The following ZDHHC7 variants were observed in gnomAD, a reference collection of about 807,000 sequenced individuals.
ZDHHC7 encodes the protein palmitoyltransferase ZDHHC7.
ZDHHC7 carries 12 observed loss-of-function variants against 34.1 expected under a neutral mutation model. That is an observed-to-expected ratio of 0.35 (90% CI 0.23 to 0.57). The LOEUF (loss-of-function observed/expected upper bound fraction) is 0.57, where lower values mean the gene tolerates loss of function less well. ZDHHC7 is among the 20% of genes least tolerant of loss of function. The pLI, the probability that ZDHHC7 is intolerant of heterozygous loss-of-function variation, is 0.84. For missense variants in ZDHHC7, 388 were observed against 402.7 expected, an observed-to-expected ratio of 0.96 and a Z score of 0.31; for synonymous variants, 185 against 155.4, an observed-to-expected ratio of 1.19 and a Z score of -1.42.
intron 1 of ZDHHC7, among the ~76,000 whole-genome samples, chr16:84,999,212 G>A (rs969609048): frequency 3.3e-5 from 5 of 152,084 alleles, no homozygotes; most frequent in Admixed American, 6.5e-5. Flanking sequence ...ACTGTGAATC[G>A]CAAGCATCAG....
chr16:84,974,344 A>T lies in ZDHHC7; in HGVS notation c.*1999T>A, dbSNP rs573251752. On this transcript the variant is annotated 3_prime_UTR_variant, in exon 8 of 8. Coordinates refer to ENST00000313732, the MANE Select transcript of ZDHHC7 (RefSeq NM_017740.3). Reference sequence around the variant, plus strand: ...TTGTCATGGGCACAAAAGCATTTAGAGTTTCTGGAAACTGTTTGGGAGTGA... The same window carrying T: ...TTGTCATGGGCACAAAAGCATTTAGTGTTTCTGGAAACTGTTTGGGAGTGA... 5 of 152,256 alleles carry T rather than the reference A, an allele frequency of 3.3e-5. No homozygotes were observed. Among genetic ancestry groups the T allele is most frequent in the African/African-American group, 7.2e-5 (3 of 41,558 alleles). The allele number at this position is 152,256 out of a possible 1,614,324, so 9.4% of individuals were successfully genotyped here.
intron 3 of ZDHHC7, among the ~76,000 whole-genome samples, chr16:84,984,183 C>T (rs1005560877): frequency 2.0e-5 from 3 of 151,906 alleles, no homozygotes; most frequent in African/African-American, 7.2e-5. Context: ...CCACACCCGG[C>T]TAATTTTTCG....
the ZDHHC7 span, among the ~76,000 whole-genome samples, chr16:85,026,002 C>CT: frequency 6.6e-6 from 1 of 152,188 alleles, no homozygotes; most frequent in African/African-American, 2.4e-5. Flanking sequence ...CTTTCTTCCT[C>CT]TTTTAAAAAA....
rs2072298344 is a variant in ZDHHC7, at chr16:84,976,438, GC to G, written c.831del (p.Ser280HisfsTer5). The G allele has an allele frequency of 6.2e-7, 1 of 1,613,904 alleles. No individual in the cohort carries two copies. The highest frequency in any genetic ancestry group is 8.5e-7 in the Non-Finnish European group (1 of 1,179,992). On this transcript the variant is annotated frameshift_variant, in exon 8 of 8. Coordinates refer to ENST00000313732, the MANE Select transcript of ZDHHC7 (RefSeq NM_017740.3). LOFTEE classifies it high-confidence loss of function. ...GGATTCATCCAGAGGAGTGAGGGGG[GC>G]CCCCCAAAGACGGACTTCATCCCTT... ...RWEGMKSVFG[G>X]PPSLLWMNPF... is the part of the protein sequence containing the mutation.
At chr16:84,983,164 A>C (rs1264372515) in intron 3 of ZDHHC7, among the ~76,000 whole-genome samples, 1 of 152,154 alleles carries the variant, frequency 6.6e-6, no homozygotes, top group Non-Finnish European at 1.5e-5. Flanking sequence ...AGATCTGGAG[A>C]ATGAGACCCA....
upstream of ZDHHC7, among the ~76,000 whole-genome samples, chr16:85,012,979 G>A (rs1220724589): frequency 6.6e-6 from 1 of 152,126 alleles, no homozygotes; most frequent in Non-Finnish European, 1.5e-5. Context: ...ATTATTTTCA[G>A]CTGAAGGCAA....
At chr16:85,006,132 G>A (rs1328925606) in intron 1 of ZDHHC7, among the ~76,000 whole-genome samples, 1 of 152,162 alleles carries the variant, frequency 6.6e-6, no homozygotes, top group Admixed American at 6.5e-5. Context: ...GAGAGGCAAA[G>A]GCAGGAGGAA....
intron 1 of ZDHHC7, among the ~76,000 whole-genome samples, chr16:85,000,026 G>C (rs2072633061): frequency 6.6e-6 from 1 of 151,786 alleles, no homozygotes; most frequent in African/African-American, 2.4e-5. Context: ...TGTACTCCCA[G>C]CTGCTCAGGA....
At chr16:85,013,375 T>G (rs551506101), upstream of ZDHHC7, among the ~76,000 whole-genome samples, 4 of 152,192 alleles carry the variant, frequency 2.6e-5, no homozygotes, top group Admixed American at 2.6e-4. Flanking sequence ...CCTGAGTAGC[T>G]GGAATTACAG....
rs949188799 is a variant in ZDHHC7, at chr16:84,990,444, C to T, written c.175G>A (p.Ala59Thr). Residue 59 changes from alanine (A) to threonine (T), a missense_variant, in exon 3 of 8, where the codon GCC (alanine) becomes ACC (threonine). Coordinates refer to ENST00000313732, the MANE Select transcript of ZDHHC7 (RefSeq NM_017740.3). Reference sequence around the variant, plus strand: ...AAAGTCACCACGAAGTCTGCATAGGCGACCAGAAGCCACGTCATGACAGCA... The same window carrying T: ...AAAGTCACCACGAAGTCTGCATAGGTGACCAGAAGCCACGTCATGACAGCA... ...ICAVMTWLLV[A>T]YADFVVTFVM... 6 of 1,614,010 alleles carry T rather than the reference C, an allele frequency of 3.7e-6. No homozygotes were observed. In the African/African-American group the frequency reaches 4.0e-5, roughly 11 times the overall value.
At chr16:84,989,449 A>T (rs11642149) in intron 3 of ZDHHC7, among the ~76,000 whole-genome samples, 17,467 of 152,196 alleles carry the variant, frequency 0.11, 1,193 homozygotes, top group African/African-American at 0.18. Context: ...TAATCTCAGC[A>T]CTTTGGGAGG....
At chr16:84,979,948 CCTT>C (rs71807310) in intron 4 of ZDHHC7, among the ~76,000 whole-genome samples, 9,719 of 134,844 alleles carry the variant, frequency 0.072, 756 homozygotes, top group African/African-American at 0.22. Context: ...CATAGCGTCA[CCTT>C]TTTTTTTTTT....
chr16:84,982,487 G>C (rs905192102), intron 3 of ZDHHC7, among the ~76,000 whole-genome samples: 1 of 152,190 alleles, frequency 6.6e-6, no homozygotes, highest in African/African-American at 2.4e-5. Flanking sequence ...ACTGTCCCCA[G>C]GTGGGGCAGG....
At chr16:85,021,814 G>C in the ZDHHC7 span, among the ~76,000 whole-genome samples, 1 of 151,740 alleles carries the variant, frequency 6.6e-6, no homozygotes, top group Admixed American at 6.6e-5. Context: ...AGGAGGAGGA[G>C]AGGAGAAAAG....
intron 1 of ZDHHC7, among the ~76,000 whole-genome samples, chr16:85,006,375 T>G (rs1413271488): frequency 6.6e-6 from 1 of 151,990 alleles, no homozygotes; most frequent in Non-Finnish European, 1.5e-5. Context: ...ATTAAAAACC[T>G]AAATAAAAAT....
At chr16:85,018,994 T>A in the ZDHHC7 span, among the ~76,000 whole-genome samples, 1 of 152,174 alleles carries the variant, frequency 6.6e-6, no homozygotes, top group Non-Finnish European at 1.5e-5. Flanking sequence ...GCAGGCCACC[T>A]CACCTCCGCT....
the ZDHHC7 span, among the ~76,000 whole-genome samples, chr16:85,024,320 C>T: frequency 1.3e-5 from 2 of 151,660 alleles, no homozygotes; most frequent in Non-Finnish European, 2.9e-5. Flanking sequence ...CAACCTCCGC[C>T]TCCCAGGTTC....
At chr16:85,022,032 C>T in the ZDHHC7 span, among the ~76,000 whole-genome samples, 2 of 150,216 alleles carry the variant, frequency 1.3e-5, no homozygotes, top group African/African-American at 4.9e-5. Context: ...TGGTGGCGGG[C>T]GCCTGTAGTC....
chr16:84,987,783 C>A (rs1057357645), intron 3 of ZDHHC7, among the ~76,000 whole-genome samples: 1 of 152,216 alleles, frequency 6.6e-6, no homozygotes, highest in African/African-American at 2.4e-5. Flanking sequence ...AAATGAAGCA[C>A]TGATCATGCC....
Sources: allele counts gnomAD v4.1 joint callset (sites outside exome capture counted in the v4.1 genomes callset), GRCh38; gene constraint gnomAD v4.1.1; transcripts MANE v1.5; gene names NCBI Gene and HGNC (gene_info 2026-07-23, HGNC 2026-07-21).